Variants in IQGAP2 observed in about 807,000 individuals in gnomAD.
IQGAP2 encodes ras GTPase-activating-like protein IQGAP2.
IQGAP2 carries 173 observed loss-of-function variants against 201.3 expected under a neutral mutation model. That is an observed-to-expected ratio of 0.86 (90% CI 0.76 to 0.98). The LOEUF (loss-of-function observed/expected upper bound fraction) is 0.98, where lower values mean the gene tolerates loss of function less well. Among genes scored for constraint, IQGAP2 ranks in the 50% least tolerant of loss-of-function variants. The pLI, the probability that IQGAP2 is intolerant of heterozygous loss-of-function variation, is 0.00. For synonymous variants in IQGAP2, 675 were observed against 673.9 expected, an observed-to-expected ratio of 1.00 and a Z score of -0.03; for missense variants, 1,687 against 1,864.8, an observed-to-expected ratio of 0.90 and a Z score of 1.76.
At chr5:76,652,362 A>G (rs1232985219) in intron 17 of IQGAP2, among the ~76,000 whole-genome samples, 1 of 152,186 alleles carries the variant, frequency 6.6e-6, no homozygotes, top group African/African-American at 2.4e-5. Context: ...AATATTAGGC[A>G]TTATTTTCAA....
chr5:76,540,290 G>C (rs1742675259), intron 2 of IQGAP2, among the ~76,000 whole-genome samples: 1 of 152,124 alleles, frequency 6.6e-6, no homozygotes, highest in African/African-American at 2.4e-5. Flanking sequence ...TTATTAAGTA[G>C]ATACAAGAAA....
At chr5:76,666,561 G>A (rs4704350) in intron 22 of IQGAP2, among the ~76,000 whole-genome samples, 21,402 of 152,116 alleles carry the variant, frequency 0.14, 1,820 homozygotes, top group African/African-American at 0.24. Context: ...AACTTGATCC[G>A]CAAACAATCC....
At position 76,560,805 on chromosome 5, in the gene IQGAP2, C is replaced by T. The variant is rs151021325; in HGVS notation, c.147-1591C>T. Among the ~76,000 whole-genome samples, 245 of 152,192 alleles carry T rather than the reference C, an allele frequency of 1.6e-3. 2 individuals are homozygous for T. Among genetic ancestry groups the T allele is most frequent in the African/African-American group, 5.7e-3 (235 of 41,516 alleles). ...ATATTTTTATCATATATACTATTCC[C>T]CTCCCATCCGTTGGAAATATGTTCA... is the stretch of plus-strand genomic sequence containing the variant. On this transcript the variant is annotated intron_variant, in intron 2 of 35. Coordinates refer to ENST00000274364, the MANE Select transcript of IQGAP2 (RefSeq NM_006633.5).
intron 30 of IQGAP2, among the ~76,000 whole-genome samples, chr5:76,685,682 G>A (rs1745672125): frequency 7.2e-6 from 1 of 138,660 alleles, no homozygotes; most frequent in African/African-American, 2.7e-5. Flanking sequence ...CTGCCCTTGT[G>A]TGGCTCTCCC....
rs1561465737 is a variant in IQGAP2 at position 76,562,558 on chromosome 5, C to T, written c.303+6C>T. On this transcript the variant is annotated splice_donor_region_variant and intron_variant, in intron 3 of 35. Coordinates refer to ENST00000274364, the MANE Select transcript of IQGAP2 (RefSeq NM_006633.5). ...TGGAACAAACACGTTATAAGGTAAC[C>T]AAGATCTAATTGGTTTTGGCTTCCA... The T allele has an allele frequency of 6.2e-7, 1 of 1,608,872 alleles. No homozygotes were observed. Among genetic ancestry groups the T allele is most frequent in the Non-Finnish European group, 8.5e-7 (1 of 1,177,346 alleles).
At chr5:76,556,115 G>T (rs1425874866) in intron 2 of IQGAP2, among the ~76,000 whole-genome samples, 3 of 152,188 alleles carry the variant, frequency 2.0e-5, no homozygotes, top group South Asian at 2.1e-4. Context: ...AAAGGAGGGG[G>T]TCTCCCAGCA....
chr5:76,415,470 C>G (rs1751357858), intron 1 of IQGAP2, among the ~76,000 whole-genome samples: 1 of 152,212 alleles, frequency 6.6e-6, no homozygotes. Context: ...ACAAAGTTCT[C>G]TTTGGCTACA....
At position 76,632,008 on chromosome 5, in the gene IQGAP2, G is replaced by T. The variant is rs761781848; in HGVS notation, c.1762G>T (p.Glu588Ter). ...KYYDALVKAK[E>*]LKSERVSSDG... ...CTATGATGCCCTTGTGAAGGCAAAA[G>T]AGCTCAAATCTGAAAGAGGTAAGTT... Residue 588 changes from glutamate to a stop codon, truncating the protein, a stop_gained, in exon 15 of 36, where the codon GAG becomes TAG. Transcript: ENST00000274364. LOFTEE classifies it high-confidence loss of function. 6.2e-7 allele frequency: 1 copy of T among 1,606,648 alleles called. No individual in the cohort carries two copies. Among genetic ancestry groups the T allele is most frequent in the South Asian group, 1.1e-5 (1 of 88,942 alleles).
intron 1 of IQGAP2, among the ~76,000 whole-genome samples, chr5:76,434,911 G>A (rs367774861): frequency 7.9e-5 from 12 of 152,068 alleles, no homozygotes; most frequent in African/African-American, 2.7e-4. Context: ...CTGGAGTAAG[G>A]TGGTATCTCA....
chr5:76,693,902 C>T (rs1378892233), intron 31 of IQGAP2: 1 of 152,696 alleles, frequency 6.5e-6, no homozygotes, highest in Admixed American at 6.5e-5. Context: ...ATTATGTTAG[C>T]GTAAGTGAGG....
At chr5:76,496,725 T>TTTC (rs201757003) in intron 2 of IQGAP2, among the ~76,000 whole-genome samples, 41,253 of 93,292 alleles carry the variant, frequency 0.44, 8,996 homozygotes, top group Admixed American at 0.55. Flanking sequence ...TCTTTCTTTC[T>TTTC]TTTCTTTCTT....
intron 1 of IQGAP2, among the ~76,000 whole-genome samples, chr5:76,458,036 C>G (rs185679580): frequency 2.6e-4 from 40 of 152,276 alleles, no homozygotes; most frequent in African/African-American, 9.6e-4. Flanking sequence ...CTTAAATGAC[C>G]TGCTTCTTGG....
At chr5:76,550,364 T>TC (rs70982621) in intron 2 of IQGAP2, among the ~76,000 whole-genome samples, 2 of 150,774 alleles carry the variant, frequency 1.3e-5, no homozygotes, top group Admixed American at 6.6e-5. Context: ...TTTTTTTTTT[T>TC]CAGTATTTAT....
intron 2 of IQGAP2, among the ~76,000 whole-genome samples, chr5:76,491,874 C>G (rs1251701795): frequency 2.0e-5 from 3 of 152,126 alleles, no homozygotes; most frequent in Non-Finnish European, 4.4e-5. Context: ...TGAGTTGTAC[C>G]TTCATCTCCA....
chr5:76,533,856 A>C (rs1759470981), intron 2 of IQGAP2, among the ~76,000 whole-genome samples: 1 of 152,144 alleles, frequency 6.6e-6, no homozygotes, highest in Admixed American at 6.6e-5. Context: ...TATTTTAAAA[A>C]TTGTCTCTAT....
intron 1 of IQGAP2, among the ~76,000 whole-genome samples, chr5:76,426,644 G>A (rs1580165118): frequency 6.6e-6 from 1 of 152,288 alleles, no homozygotes; most frequent in Non-Finnish European, 1.5e-5. Flanking sequence ...TAAAGGAACT[G>A]GTCTATGTGC....
intron 1 of IQGAP2, among the ~76,000 whole-genome samples, chr5:76,444,829 G>T (rs1207633156): frequency 2.0e-5 from 3 of 152,168 alleles, no homozygotes; most frequent in African/African-American, 7.2e-5. Context: ...CTGGGATTGG[G>T]TTTTTTCATA....
chr5:76,680,163 A>T (rs1168521000), intron 28 of IQGAP2, among the ~76,000 whole-genome samples: 2 of 152,372 alleles, frequency 1.3e-5, no homozygotes, highest in East Asian at 1.9e-4. Flanking sequence ...GACTAATGGG[A>T]TAGAATCGAG....
chr5:76,683,265 G>A lies in IQGAP2; in HGVS notation c.3763+48G>A, dbSNP rs370857227. The A allele has an allele frequency of 3.7e-6, 5 of 1,363,410 alleles. No homozygotes were observed. In the African/African-American group the frequency reaches 4.4e-5, roughly 12 times the overall value. The allele number at this position is 1,363,410 out of a possible 1,614,324, so 84.5% of individuals were successfully genotyped here. A position where few individuals can be genotyped will look rare whatever the true frequency, so the allele number is the denominator to read the frequency against. ...TATCCCTTGGTTTTTGTTTAATTGG[G>A]TGGGTTGGTTGGTTGGTTCGTTGGT... On this transcript the variant is annotated intron_variant, in intron 29 of 35. Transcript: ENST00000274364.
Sources: allele counts gnomAD v4.1 joint callset (sites outside exome capture counted in the v4.1 genomes callset), GRCh38; gene constraint gnomAD v4.1.1; transcripts MANE v1.5; gene names NCBI Gene and HGNC (gene_info 2026-07-23, HGNC 2026-07-21).